Variants in SLC22A14 observed in about 807,000 individuals in gnomAD.
The protein encoded by SLC22A14 is solute carrier family 22 member 14, also known as organic cation transporter-like 4.
A neutral mutation model predicts 53.9 loss-of-function variants in SLC22A14; 50 were observed. The ratio of observed to expected loss-of-function variants is 0.93; its 90% CI spans 0.74 to 1.17. The LOEUF is 1.17. SLC22A14 is among the 50% of genes most tolerant of loss of function. The probability of loss-of-function intolerance (pLI) is 0.00; values close to 1 mark genes in which losing one functional copy is unlikely to be tolerated. For synonymous variants in SLC22A14, 312 were observed against 303.0 expected (o/e 1.03, Z -0.31); for missense variants, 671 against 734.7 (o/e 0.91, Z 1.00).
In SLC22A14 at chr3:38,306,012, C is replaced by G; in HGVS notation, c.1-15C>G. 1.3e-6 allele frequency: 2 copies of G among 1,598,170 alleles called. No homozygotes were observed. The highest frequency in any genetic ancestry group is 1.7e-6 in the Non-Finnish European group (2 of 1,171,136). On this transcript the variant is annotated splice_polypyrimidine_tract_variant and intron_variant, in intron 1 of 10. Coordinates refer to ENST00000448498, the MANE Select transcript of SLC22A14 (RefSeq NM_001320033.2). Reference sequence around the variant, plus strand: ...GGTGTCAGCAGAGACTGAGCTGCACCCTTTCTTTGGACAGATGGCAGGAGA... The same window carrying G: ...GGTGTCAGCAGAGACTGAGCTGCACGCTTTCTTTGGACAGATGGCAGGAGA...
intron 1 of SLC22A14, 39 bp downstream of exon 1, chr3:38,282,378 AG>A (rs1703688239): frequency 6.6e-6 from 1 of 152,444 alleles, no homozygotes; most frequent in Non-Finnish European, 1.5e-5. Flanking sequence ...GCCTACAGGG[AG>A]GCAGGGCCGG....
chr3:38,292,491 G>C (rs1243278377), intron 1 of SLC22A14, among the ~76,000 whole-genome samples: 1 of 152,150 alleles, frequency 6.6e-6, no homozygotes, highest in Non-Finnish European at 1.5e-5. Flanking sequence ...AACCTCCACT[G>C]TCTGTTGGGT....
chr3:38,300,177 C>T (rs149176483), intron 1 of SLC22A14, among the ~76,000 whole-genome samples: 9,777 of 152,220 alleles, frequency 0.064, 373 homozygotes, highest in East Asian at 0.16. Flanking sequence ...CAGTGGCTCA[C>T]GCCTGTAATC....
chr3:38,283,760 G>A (rs923598685), intron 1 of SLC22A14, among the ~76,000 whole-genome samples: 1 of 151,004 alleles, frequency 6.6e-6, no homozygotes, highest in African/African-American at 2.4e-5. Context: ...AACCCAGGAA[G>A]CAGAGGGTGC....
At chr3:38,293,194 T>C (rs2125875360) in intron 1 of SLC22A14, among the ~76,000 whole-genome samples, 1 of 152,258 alleles carries the variant, frequency 6.6e-6, no homozygotes, top group South Asian at 2.1e-4. Context: ...GCCCTTGACA[T>C]AAGGGGCGTG....
At position 38,286,439 on chromosome 3, in the gene SLC22A14, C is replaced by T. The variant is rs1364328315; in HGVS notation, c.-1+4100C>T. ...TTCTTTTCTTTTTTTTTTTTTTAGACAGAGTCGCTCTGTCACCCAGGCTGG... is the reference window on the plus strand; with the variant it reads ...TTCTTTTCTTTTTTTTTTTTTTAGATAGAGTCGCTCTGTCACCCAGGCTGG... On this transcript the variant is annotated intron_variant, in intron 1 of 10. Transcript: ENST00000448498. Among the ~76,000 whole-genome samples the T allele has an allele frequency of 4.7e-5, 7 of 147,508 alleles. No individual in the cohort carries two copies. The South Asian group carries it at 1.1e-3, about 23-fold the overall frequency.
Position 38,306,242 on chromosome 3 carries a change from C to T in SLC22A14, c.216C>T (p.Leu72=). The T allele has an allele frequency of 6.2e-7, 1 of 1,614,192 alleles. No individual in the cohort carries two copies. Among genetic ancestry groups the T allele is most frequent in the Non-Finnish European group, 8.5e-7 (1 of 1,180,032 alleles). Residue 72 remains leucine (L), a synonymous_variant, in exon 2 of 11, where the codon CTC becomes CTT. Transcript: ENST00000448498. ...FGTFQQRLVA[L]TFIPSIMSAF... ...CATTCCAGCAGAGGCTAGTAGCCCT[C>T]ACCTTTATCCCCAGCATCATGTCGG...
At chr3:38,315,226 A>G (rs922837403) in intron 8 of SLC22A14, among the ~76,000 whole-genome samples, 5 of 152,240 alleles carry the variant, frequency 3.3e-5, no homozygotes, top group African/African-American at 1.2e-4. Context: ...CCCTGAGTGG[A>G]TCCCCAGTGG....
At position 38,307,503 on chromosome 3, in the gene SLC22A14, A is replaced by G. The variant is rs909199192; in HGVS notation, c.621-63A>G. The G allele has an allele frequency of 3.9e-5, 62 of 1,600,294 alleles. No individual in the cohort carries two copies. The highest frequency in any genetic ancestry group is 4.0e-5 in the African/African-American group (3 of 74,676). Reference sequence around the variant, plus strand: ...ATGGCTCAGGGCCTGGCCCAGGTGTATCCGGCTGGGGCCAGCCCGGGAGAT... The same window carrying G: ...ATGGCTCAGGGCCTGGCCCAGGTGTGTCCGGCTGGGGCCAGCCCGGGAGAT... On this transcript the variant is annotated intron_variant, in intron 3 of 10. Coordinates refer to ENST00000448498, the MANE Select transcript of SLC22A14 (RefSeq NM_001320033.2). This position sits in a 1 kb window ranked among gnomAD's most constrained non-coding sequence, Gnocchi z 4.4.
chr3:38,285,162 A>G (rs1703763314), intron 1 of SLC22A14, among the ~76,000 whole-genome samples: 1 of 152,168 alleles, frequency 6.6e-6, no homozygotes, highest in Non-Finnish European at 1.5e-5. Flanking sequence ...GGAAAATACT[A>G]AGAGCAAGTA....
Position 38,309,025 on chromosome 3 carries a change from G to A in SLC22A14, c.847G>A (p.Ala283Thr). The part of the protein sequence containing the change: ...ILGHCFFAVG[A>T]VLLTGIAYSL... ...GGGACACTGCTTTTTCGCTGTTGGG[G>A]CCGTGTTGCTGACAGGGATCGCCTA... The change falls in exon 5 of 11, where the codon GCC becomes ACC. Residue 283 changes from alanine to threonine, a missense_variant. By Grantham distance (58) the Ala-to-Thr change is moderately conservative. Transcript: ENST00000448498. 1.9e-6 allele frequency: 3 copies of A among 1,613,264 alleles called. No homozygotes were observed. Among genetic ancestry groups the A allele is most frequent in the Non-Finnish European group, 1.7e-6 (2 of 1,179,658 alleles).
In SLC22A14 at chr3:38,318,301, A is replaced by C; in HGVS notation, c.*52A>C. ...ATGCCCAGATCCTGAGATTGGACCC[A>C]TACCCTGTCTCCAACCCTGCCTTGA... is the stretch of plus-strand genomic sequence containing the variant. On this transcript the variant is annotated 3_prime_UTR_variant, in exon 11 of 11. Coordinates refer to ENST00000448498, the MANE Select transcript of SLC22A14 (RefSeq NM_001320033.2). The C allele has an allele frequency of 6.6e-7, 1 of 1,507,880 alleles. No homozygotes were observed. Among genetic ancestry groups the C allele is most frequent in the Non-Finnish European group, 9.2e-7 (1 of 1,082,874 alleles). 93.4% of individuals were successfully genotyped at this position (1,507,880 alleles called of 1,614,324 possible). A position where few individuals can be genotyped will look rare whatever the true frequency, so the allele number is the denominator to read the frequency against.
upstream of SLC22A14, among the ~76,000 whole-genome samples, chr3:38,281,675 A>G (rs1235191733): frequency 1.3e-5 from 2 of 152,246 alleles, no homozygotes; most frequent in Non-Finnish European, 2.9e-5. Context: ...TCACGCTACC[A>G]CACTGGAGAT....
chr3:38,291,872 GCCATA>G (rs1484653064), intron 1 of SLC22A14, among the ~76,000 whole-genome samples: 1 of 152,168 alleles, frequency 6.6e-6, no homozygotes, highest in Non-Finnish European at 1.5e-5. Context: ...TGGCTATTTC[GCCATA>G]CCTGGGAATC....
chr3:38,297,891 AT>A (rs1453275514), intron 1 of SLC22A14, among the ~76,000 whole-genome samples: 1 of 152,084 alleles, frequency 6.6e-6, no homozygotes, highest in East Asian at 1.9e-4. Context: ...TGTTTCTCAT[AT>A]TTTCATCCTC....
intron 2 of SLC22A14, among the ~76,000 whole-genome samples, chr3:38,306,862 C>G (rs1019543467): frequency 6.6e-6 from 1 of 152,216 alleles, no homozygotes; most frequent in Admixed American, 6.5e-5. Flanking sequence ...CAGCTTTGAT[C>G]AGGCATCTCT....
At chr3:38,316,266 C>T in intron 9 of SLC22A14, 58 bp from the exon 10 acceptor site, 1 of 1,512,478 alleles carries the variant, frequency 6.6e-7, no homozygotes, top group Admixed American at 1.7e-5. Context: ...AGCTGCTGGC[C>T]CTGCCCAGCC....
At chr3:38,301,125 ACT>A (rs1704151189) in intron 1 of SLC22A14, among the ~76,000 whole-genome samples, 1 of 151,894 alleles carries the variant, frequency 6.6e-6, no homozygotes, top group South Asian at 2.1e-4. Flanking sequence ...GGCCTCAAAC[ACT>A]CTTAATGGTA....
rs62242686 is a variant in SLC22A14 at position 38,307,900 on chromosome 3, C to G, written c.775+180C>G. 0.015 allele frequency: 9,840 copies of G among 650,842 alleles called. 99 individuals are homozygous for G. The highest frequency in any genetic ancestry group is 0.02 in the Non-Finnish European group (7,706 of 378,384). 40.3% of individuals were successfully genotyped at this position (650,842 alleles called of 1,614,324 possible). On this transcript the variant is annotated intron_variant, in intron 4 of 10. Transcript: ENST00000448498. The surrounding 1 kb of genome is among the most constrained non-coding windows in gnomAD (Gnocchi z 4.4). Reference sequence around the variant, plus strand: ...AGCGTGGGCATCTGCTGGGATCCCACAGGACACAGAGTCAGGGGCCTAATT... The same window carrying G: ...AGCGTGGGCATCTGCTGGGATCCCAGAGGACACAGAGTCAGGGGCCTAATT...
Sources: allele counts gnomAD v4.1 joint callset (sites outside exome capture counted in the v4.1 genomes callset), GRCh38; gene constraint gnomAD v4.1.1; non-coding constraint Gnocchi (gnomAD v3.1); transcripts MANE v1.5; gene names NCBI Gene and HGNC (gene_info 2026-07-23, HGNC 2026-07-21).